Variants in ELP1 observed in about 807,000 individuals in gnomAD.
ELP1 encodes elongator acetyltransferase complex subunit 1, also known as elongator complex protein 1.
A neutral mutation model predicts 183.2 loss-of-function variants in ELP1; 131 were observed. The ratio of observed to expected loss-of-function variants is 0.72; its 90% CI spans 0.62 to 0.83. The LOEUF (loss-of-function observed/expected upper bound fraction) is 0.83. ELP1 is among the 40% of genes least tolerant of loss of function. The pLI, the probability that ELP1 is intolerant of heterozygous loss-of-function variation, is 0.00. For missense variants in ELP1, 1,550 were observed against 1,594.9 expected, an observed-to-expected ratio of 0.97 and a Z score of 0.48; for synonymous variants, 555 against 569.0, an observed-to-expected ratio of 0.98 and a Z score of 0.35.
chr9:108,896,635 G>A lies in ELP1; in HGVS notation c.2597C>T (p.Pro866Leu). The A allele has an allele frequency of 1.2e-6, 2 of 1,613,930 alleles. No individual in the cohort carries two copies. The highest frequency in any genetic ancestry group is 2.2e-5 in the East Asian group (1 of 44,876). The stretch of plus-strand genomic sequence containing the variant: ...AGCACTCACAGCATCAGGATCAGAG[G>A]GAGCATTTCCTAACAGTGTTTAGAA... The part of the protein sequence containing the change: ...QKVHELQGNA[P>L]SDPDAVSAEE... The change falls in exon 25 of 37, where the codon CCC becomes CTC. Residue 866 changes from proline (P) to leucine (L), a missense_variant. Pro to Leu is a moderately conservative substitution (Grantham distance 98). Transcript: ENST00000374647.
chr9:108,874,797 G>A (rs139551585), intron 36 of ELP1, 98 bp downstream of exon 36: 9 of 845,372 alleles, frequency 1.1e-5, no homozygotes, highest in African/African-American at 1.7e-5. Context: ...GTGAAAAATT[G>A]TATCCAATCT....
rs777790000 is a variant in ELP1, at chr9:108,917,555, C to G, written c.856G>C (p.Glu286Gln). 3.8e-5 allele frequency: 62 copies of G among 1,613,578 alleles called. No homozygotes were observed. The highest frequency in any genetic ancestry group is 5.2e-5 in the Non-Finnish European group (61 of 1,179,856). Residue 286 changes from glutamate (E) to glutamine (Q), a missense_variant, in exon 9 of 37, where the codon GAG (glutamate) becomes CAG (glutamine). Physicochemically the swap from Glu to Gln is conservative, Grantham distance 29. Coordinates refer to ENST00000374647, the MANE Select transcript of ELP1 (RefSeq NM_003640.5). ...CAAACTCAGGCACTTACCTTAACCT[C>G]ATCTTTAAGGAAGGGAAGTGTAAAG... Reference protein sequence around the residue: ...GHFTLPFLKDEVKVNDLLWNA... With the variant: ...GHFTLPFLKDQVKVNDLLWNA...
At position 108,889,552 on chromosome 9, in the gene ELP1, C is replaced by A. The variant is rs1001840891; in HGVS notation, c.3161-159G>T. ...CACAGAGTCCTATCTTAAATGGCAG[C>A]TAGAATCTAAATTTAGCACAGGAAT... On this transcript the variant is annotated intron_variant, in intron 28 of 36. Coordinates refer to ENST00000374647, the MANE Select transcript of ELP1 (RefSeq NM_003640.5). 3 of 700,402 alleles carry A rather than the reference C, an allele frequency of 4.3e-6. No individual in the cohort carries two copies. The East Asian group carries it at 8.1e-5, about 19-fold the overall frequency. 43.4% of individuals were successfully genotyped at this position (700,402 alleles called of 1,614,324 possible).
chr9:108,899,620 T>G (rs761730267), intron 20 of ELP1, among the ~76,000 whole-genome samples: 1 of 151,976 alleles, frequency 6.6e-6, no homozygotes, highest in East Asian at 1.9e-4. Context: ...CACGATTCTT[T>G]CTGCTAGGAA....
chr9:108,886,543 C>T (rs931337855), intron 29 of ELP1, among the ~76,000 whole-genome samples: 2 of 152,118 alleles, frequency 1.3e-5, no homozygotes, highest in South Asian at 2.1e-4. Flanking sequence ...ATCACCTAGT[C>T]CCCCATATCA....
intron 29 of ELP1, among the ~76,000 whole-genome samples, chr9:108,884,986 G>C (rs944217821): frequency 1.2e-4 from 18 of 151,910 alleles, no homozygotes; most frequent in African/African-American, 4.4e-4. Flanking sequence ...GAGGCTGAGG[G>C]GGGAGGACAG....
chr9:108,905,304 T>C (rs879385954), intron 14 of ELP1, among the ~76,000 whole-genome samples: 1 of 152,204 alleles, frequency 6.6e-6, no homozygotes, highest in Non-Finnish European at 1.5e-5. Flanking sequence ...AATCTGGGGA[T>C]TAGTGTCAGT....
intron 14 of ELP1, among the ~76,000 whole-genome samples, chr9:108,905,556 T>C (rs1369223518): frequency 6.6e-6 from 1 of 152,140 alleles, no homozygotes; most frequent in Non-Finnish European, 1.5e-5. Flanking sequence ...AAATAGGATA[T>C]ATAGAAGAGG....
In ELP1 at chr9:108,898,687, T is replaced by C. The variant is rs754484472; in HGVS notation, c.2267A>G (p.Tyr756Cys). Residue 756 changes from tyrosine to cysteine, a missense_variant, in exon 21 of 37, where the codon TAT (tyrosine) becomes TGT (cysteine). Transcript: ENST00000374647. ...GAAAGTTACCTTAGGGTTATGATCA[T>C]AAATCAGATTGAGATTGATTCTCAG... is the stretch of plus-strand genomic sequence containing the variant. ...RKLRINLNLI[Y>C]DHNPKVFLGN... is the part of the protein sequence containing the mutation. 5.6e-6 allele frequency: 9 copies of C among 1,612,680 alleles called. No individual in the cohort carries two copies. Among genetic ancestry groups the C allele is most frequent in the South Asian group, 5.5e-5 (5 of 91,062 alleles).
chr9:108,868,890 C>A lies in ELP1; in HGVS notation c.*225G>T. The A allele has an allele frequency of 1.6e-6, 1 of 609,932 alleles. No homozygotes were observed. The highest frequency in any genetic ancestry group is 2.9e-6 in the Non-Finnish European group (1 of 341,122). The allele number at this position is 609,932 out of a possible 1,614,324, so 37.8% of individuals were successfully genotyped here. ...AACAATCATTCTCACAAAATGGTGC[C>A]ATAATGGTTAAAGCTTAATGTCTTG... On this transcript the variant is annotated 3_prime_UTR_variant, in exon 37 of 37. Coordinates refer to ENST00000374647, the MANE Select transcript of ELP1 (RefSeq NM_003640.5).
At chr9:108,890,695 T>C (rs1170119932) in intron 28 of ELP1, among the ~76,000 whole-genome samples, 1 of 152,240 alleles carries the variant, frequency 6.6e-6, no homozygotes, top group African/African-American at 2.4e-5. Flanking sequence ...ACCTCATTCC[T>C]GGCTATTCCA....
rs555598184 is a variant in ELP1, at chr9:108,880,193, G to A, written c.3347-28C>T. 26 of 1,446,686 alleles carry A rather than the reference G, an allele frequency of 1.8e-5. No individual in the cohort carries two copies. The Admixed American group carries it at 2.7e-4, about 15-fold the overall frequency. The allele number at this position is 1,446,686 out of a possible 1,614,324, so 89.6% of individuals were successfully genotyped here. A position where few individuals can be genotyped will look rare whatever the true frequency, so the allele number is the denominator to read the frequency against. On this transcript the variant is annotated intron_variant, in intron 31 of 36. Coordinates refer to ENST00000374647, the MANE Select transcript of ELP1 (RefSeq NM_003640.5). Reference sequence around the variant, plus strand: ...GGAGATGCAGAATGGAAAATAGTTTGAGCATGAGGTTTAAGCAAAGAGAAA... The same window carrying A: ...GGAGATGCAGAATGGAAAATAGTTTAAGCATGAGGTTTAAGCAAAGAGAAA...
At chr9:108,930,187 A>G (rs1348024281) in intron 2 of ELP1, among the ~76,000 whole-genome samples, 1 of 152,200 alleles carries the variant, frequency 6.6e-6, no homozygotes, top group African/African-American at 2.4e-5. Context: ...CCACTAAAAT[A>G]TGATGCTAAT....
At chr9:108,926,645 C>T (rs754235568) in intron 4 of ELP1, 42 bp from the exon 5 acceptor site, 59 of 1,513,382 alleles carry the variant, frequency 3.9e-5, no homozygotes, top group Non-Finnish European at 4.5e-5. Flanking sequence ...TTTCATGTAA[C>T]AAATTTGCCA....
intron 15 of ELP1, 142 bp downstream of exon 15, chr9:108,903,421 T>C (rs995350085): frequency 1.5e-6 from 1 of 675,144 alleles, no homozygotes; most frequent in African/African-American, 1.8e-5. Context: ...CACTTGCCAA[T>C]TCCACTCTAA....
Position 108,915,716 on chromosome 9 carries a change from G to C in ELP1, c.958+488C>G, listed in dbSNP as rs377066185. Among the ~76,000 whole-genome samples, 6 of 136,424 alleles carry C rather than the reference G, an allele frequency of 4.4e-5. No homozygotes were observed. The South Asian group carries it at 1.4e-3, about 33-fold the overall frequency. 89.5% of individuals were successfully genotyped at this position (136,424 alleles called of 152,430 possible). Reference sequence around the variant, plus strand: ...CTCTATGTAAGTACAGCTGACCCTTGAACAACACAGGCTTGAACTACACAG... The same window carrying C: ...CTCTATGTAAGTACAGCTGACCCTTCAACAACACAGGCTTGAACTACACAG... On this transcript the variant is annotated intron_variant, in intron 10 of 36. Transcript: ENST00000374647.
intron 10 of ELP1, among the ~76,000 whole-genome samples, chr9:108,915,271 G>A (rs1052296269): frequency 1.4e-5 from 2 of 145,570 alleles, no homozygotes; most frequent in African/African-American, 5.2e-5. Context: ...GTGTCAAGTT[G>A]GCTAGGCTAT....
At chr9:108,894,352 C>T (rs1828460159) in intron 25 of ELP1, among the ~76,000 whole-genome samples, 1 of 152,138 alleles carries the variant, frequency 6.6e-6, no homozygotes, top group Admixed American at 6.5e-5. Context: ...TCTGTATCTG[C>T]AAGTTTCAAA....
rs1461108730 is a variant in ELP1, at chr9:108,869,018, G to A, written c.*97C>T. On this transcript the variant is annotated 3_prime_UTR_variant, in exon 37 of 37. Transcript: ENST00000374647. ...GTAAGTTATCATTTTACTCTTTCCA[G>A]TTCTCAATAGCCAGCCCTCAAAGAG... The A allele has an allele frequency of 9.8e-7, 1 of 1,019,516 alleles. No individual in the cohort carries two copies. Among genetic ancestry groups the A allele is most frequent in the South Asian group, 1.3e-5 (1 of 79,092 alleles). The allele number at this position is 1,019,516 out of a possible 1,614,324, so 63.2% of individuals were successfully genotyped here.
Sources: allele counts gnomAD v4.1 joint callset (sites outside exome capture counted in the v4.1 genomes callset), GRCh38; gene constraint gnomAD v4.1.1; transcripts MANE v1.5; gene names NCBI Gene and HGNC (gene_info 2026-07-23, HGNC 2026-07-21).